Variants in SRGAP3 observed in about 807,000 individuals in gnomAD.
SRGAP3 encodes SLIT-ROBO Rho GTPase-activating protein 3.
SRGAP3 carries 39 observed loss-of-function variants against 121.1 expected under a neutral mutation model. The observed-to-expected ratio is 0.32, with a 90% CI of 0.25 to 0.42. The LOEUF is 0.42. SRGAP3 is among the 10% of genes least tolerant of loss of function. The pLI, the probability that SRGAP3 is intolerant of heterozygous loss-of-function variation, is 1.00. For synonymous variants in SRGAP3, 601 were observed against 570.0 expected, an observed-to-expected ratio of 1.05 and a Z score of -0.77; for missense variants, 1,213 against 1,470.6, an observed-to-expected ratio of 0.82 and a Z score of 2.86.
At chr3:9,115,646 A>C (rs1019196529) in intron 2 of SRGAP3, among the ~76,000 whole-genome samples, 2 of 152,170 alleles carry the variant, frequency 1.3e-5, no homozygotes, top group Non-Finnish European at 2.9e-5. Context: ...TCATTTAAAA[A>C]AAAAATTGTG....
intron 1 of SRGAP3, among the ~76,000 whole-genome samples, chr3:9,350,326 T>C (rs2030060951): frequency 1.3e-5 from 2 of 152,204 alleles, no homozygotes; most frequent in East Asian, 1.9e-4. Flanking sequence ...GGGAAGGTCT[T>C]ATTTAATCAT....
rs948294512 is a variant in SRGAP3 at position 9,046,523 on chromosome 3, C to T, written c.1408+868G>A. 3.3e-5 allele frequency among the ~76,000 whole-genome samples: 5 copies of T among 152,184 alleles called. No individual in the cohort carries two copies. In the East Asian group the frequency reaches 5.8e-4, roughly 18 times the overall value. On this transcript the variant is annotated intron_variant, in intron 10 of 21. Transcript: ENST00000383836. ...CTAAGTGGTATAAGGCCTCATGTGCCGTGACAGCAGCTGGGATTTTATTCC... is the reference window on the plus strand; with the variant it reads ...CTAAGTGGTATAAGGCCTCATGTGCTGTGACAGCAGCTGGGATTTTATTCC...
chr3:9,120,944 C>T (rs1287709163), intron 2 of SRGAP3, among the ~76,000 whole-genome samples: 1 of 152,148 alleles, frequency 6.6e-6, no homozygotes, highest in East Asian at 1.9e-4. Flanking sequence ...TCTTCAATTG[C>T]CCAGGTGGGG....
intron 4 of SRGAP3, among the ~76,000 whole-genome samples, chr3:9,071,456 G>T (rs186959766): frequency 2.6e-5 from 4 of 152,250 alleles, no homozygotes; most frequent in Admixed American, 2.6e-4. Flanking sequence ...GCTACCCTAG[G>T]GCTTCACTGG....
chr3:9,077,266 A>G (rs1210316954), intron 4 of SRGAP3, among the ~76,000 whole-genome samples: 1 of 152,014 alleles, frequency 6.6e-6, no homozygotes, highest in African/African-American at 2.4e-5. Context: ...GCACCCTGGA[A>G]GCACCAAGGA....
chr3:9,132,632 A>G (rs1397809583), intron 1 of SRGAP3, among the ~76,000 whole-genome samples: 2 of 152,186 alleles, frequency 1.3e-5, no homozygotes, highest in Non-Finnish European at 2.9e-5. Flanking sequence ...GCTACGGAAT[A>G]ATGTTGACAG....
intron 3 of SRGAP3, chr3:9,081,428 G>C: frequency 2.7e-6 from 1 of 364,860 alleles, no homozygotes; most frequent in South Asian, 2.1e-5. Context: ...CCCCCTTTGA[G>C]CCTCAGCTAC....
In SRGAP3 at chr3:9,145,652, A is replaced by G. The variant is rs889500905; in HGVS notation, c.68-20735T>C. ...GCTTCCCTTGAGGAATTCGGCAGAC[A>G]CTAACAAATACAAAAAATCACAACA... On this transcript the variant is annotated intron_variant, in intron 1 of 21. Transcript: ENST00000383836. 3.3e-5 allele frequency among the ~76,000 whole-genome samples: 5 copies of G among 152,256 alleles called. No homozygotes were observed. The South Asian group carries it at 1.0e-3, about 32-fold the overall frequency.
intron 3 of SRGAP3, among the ~76,000 whole-genome samples, chr3:9,102,023 C>T (rs1038353840): frequency 5.9e-5 from 9 of 152,194 alleles, no homozygotes; most frequent in Non-Finnish European, 2.9e-5. Flanking sequence ...GGGCAGCTGC[C>T]CAGGCCCAAG....
intron 20 of SRGAP3, among the ~76,000 whole-genome samples, chr3:8,991,951 G>A (rs1484555482): frequency 1.3e-5 from 2 of 152,212 alleles, no homozygotes; most frequent in Non-Finnish European, 2.9e-5. Context: ...AGAGGCAGAA[G>A]ATATGGTCCT....
intron 18 of SRGAP3, among the ~76,000 whole-genome samples, chr3:9,001,750 G>A (rs1290952053): frequency 5.3e-5 from 8 of 152,124 alleles, no homozygotes; most frequent in South Asian, 4.1e-4. Flanking sequence ...GGAACCACAG[G>A]AAAGCTAGAA....
chr3:9,285,673 G>A (rs1400468829), intron 3 of SRGAP3, among the ~76,000 whole-genome samples: 2 of 151,612 alleles, frequency 1.3e-5, no homozygotes, highest in Non-Finnish European at 2.9e-5. Context: ...GCATGTGCCT[G>A]TAGTCCCAAC....
At chr3:9,070,231 A>G (rs1205001960) in intron 4 of SRGAP3, among the ~76,000 whole-genome samples, 1 of 152,266 alleles carries the variant, frequency 6.6e-6, no homozygotes, top group Non-Finnish European at 1.5e-5. Flanking sequence ...ATAAAGGGAC[A>G]CCTGAAGCAG....
At chr3:9,168,153 T>C (rs1210477553) in intron 1 of SRGAP3, among the ~76,000 whole-genome samples, 1 of 152,074 alleles carries the variant, frequency 6.6e-6, no homozygotes, top group Non-Finnish European at 1.5e-5. Flanking sequence ...TCAACAGGAG[T>C]GCAACGAAGT....
chr3:9,290,791 G>A (rs139142317), intron 3 of SRGAP3, among the ~76,000 whole-genome samples: 2,342 of 152,274 alleles, frequency 0.015, 25 homozygotes, highest in South Asian at 0.043. Context: ...AGAGCCGTGA[G>A]TCAGAGCAAT....
intron 1 of SRGAP3, among the ~76,000 whole-genome samples, chr3:9,199,394 C>T (rs752400813): frequency 2.0e-5 from 3 of 152,164 alleles, no homozygotes; most frequent in African/African-American, 4.8e-5. Flanking sequence ...GTGCTAGCAA[C>T]GCTGACTGAG....
intron 3 of SRGAP3, among the ~76,000 whole-genome samples, chr3:9,260,527 C>T (rs73021263): frequency 0.12 from 18,293 of 152,234 alleles, 1,406 homozygotes; most frequent in African/African-American, 0.2. Flanking sequence ...TAAATAAAGC[C>T]ACTGGGAAGT....
chr3:9,221,802 G>A (rs1952824616), intron 1 of SRGAP3, among the ~76,000 whole-genome samples: 1 of 152,182 alleles, frequency 6.6e-6, no homozygotes, highest in African/African-American at 2.4e-5. Context: ...CGTCTATGCA[G>A]CCAAACTGGC....
At chr3:9,019,551 T>C (rs1014642905) in intron 14 of SRGAP3, among the ~76,000 whole-genome samples, 1 of 152,258 alleles carries the variant, frequency 6.6e-6, no homozygotes, top group Non-Finnish European at 1.5e-5. Flanking sequence ...CACAATGGGC[T>C]GCTCCTCCTC....
Sources: gnomAD v4.1 joint callset for allele counts (sites outside exome capture counted in the v4.1 genomes callset) on GRCh38, gnomAD v4.1.1 for gene constraint, MANE v1.5 for transcripts, NCBI Gene and HGNC (gene_info 2026-07-23, HGNC 2026-07-21) for gene names.